Variants in TAMM41 observed in about 807,000 individuals in gnomAD.
TAMM41 encodes the protein phosphatidate cytidylyltransferase, mitochondrial.
Under a neutral mutation model 44.1 loss-of-function variants are expected in TAMM41, and 36 were observed. That is an observed-to-expected ratio of 0.82 (90% CI 0.63 to 1.08). The LOEUF (loss-of-function observed/expected upper bound fraction) is 1.08. Among genes scored for constraint, TAMM41 ranks in the 50% least tolerant of loss-of-function variants. The pLI, the probability that TAMM41 is intolerant of heterozygous loss-of-function variation, is 0.00. For synonymous variants in TAMM41, 164 were observed against 153.1 expected (o/e 1.07, Z -0.53); for missense variants, 417 against 404.3 (o/e 1.03, Z -0.27).
At chr3:11,768,191 T>C in the TAMM41 span, among the ~76,000 whole-genome samples, 1 of 151,612 alleles carries the variant, frequency 6.6e-6, no homozygotes, top group African/African-American at 2.4e-5. Flanking sequence ...GGCTGGAGTG[T>C]AGTGGCGTGA....
At chr3:11,743,958 A>G in the TAMM41 span, among the ~76,000 whole-genome samples, 1 of 152,264 alleles carries the variant, frequency 6.6e-6, no homozygotes, top group Admixed American at 6.5e-5. Context: ...CATCTTTATC[A>G]TTGATGAGAT....
the TAMM41 span, among the ~76,000 whole-genome samples, chr3:11,744,288 G>T: frequency 6.6e-6 from 1 of 151,956 alleles, no homozygotes; most frequent in East Asian, 2.0e-4. Context: ...AGCTGGTCTC[G>T]AACTCCTGAC....
rs773437781 is a variant in TAMM41 at position 11,809,595 on chromosome 3, G to C, written c.796C>G (p.Pro266Ala). The C allele has an allele frequency of 1.2e-6, 2 of 1,613,918 alleles. No homozygotes were observed. Among genetic ancestry groups the C allele is most frequent in the East Asian group, 2.2e-5 (1 of 44,884 alleles). Reference protein sequence around the residue: ...QQQINHIMDPPGKNRDVEETL... With the variant: ...QQQINHIMDPAGKNRDVEETL... ...TCTTCCACATCTCTGTTTTTTCCAG[G>C]AGGGTCCATAATATGATTTATCTGT... The change falls in exon 6 of 8, where the codon CCT (proline) becomes GCT (alanine). Residue 266 changes from proline (P) to alanine (A), a missense_variant. Transcript: ENST00000455809.
At chr3:11,814,570 C>T (rs2124976033) in intron 5 of TAMM41, among the ~76,000 whole-genome samples, 1 of 152,098 alleles carries the variant, frequency 6.6e-6, no homozygotes, top group East Asian at 1.9e-4. Flanking sequence ...TAACAGGAAT[C>T]CCAGGAAGAA....
At chr3:11,812,982 C>T (rs953049785) in intron 5 of TAMM41, among the ~76,000 whole-genome samples, 3 of 152,158 alleles carry the variant, frequency 2.0e-5, no homozygotes, top group Admixed American at 6.5e-5. Flanking sequence ...CTCAGTCCCC[C>T]AGTCTTATTC....
chr3:11,803,159 C>A (rs777959378), intron 7 of TAMM41, among the ~76,000 whole-genome samples: 46 of 152,166 alleles, frequency 3.0e-4, no homozygotes, highest in Non-Finnish European at 5.9e-4. Flanking sequence ...GTAGTCCCAG[C>A]TACTCGGGAG....
the TAMM41 span, among the ~76,000 whole-genome samples, chr3:11,777,237 C>T: frequency 6.6e-5 from 10 of 151,892 alleles, no homozygotes; most frequent in Admixed American, 1.3e-4. Flanking sequence ...AGATTGTATA[C>T]CTTAAATACA....
the TAMM41 span, among the ~76,000 whole-genome samples, chr3:11,747,877 A>ATT: frequency 0.012 from 478 of 38,840 alleles, 4 homozygotes; most frequent in African/African-American, 0.027. Context: ...CTATTTATTT[A>ATT]TTTATTTTTT....
rs11551661 is a variant in TAMM41, at chr3:11,829,741, T to C, written c.535A>G (p.Ile179Val). 0.13 allele frequency: 203,609 copies of C among 1,613,910 alleles called. 14,716 individuals carry two copies. The highest frequency in any genetic ancestry group is 0.15 in the Non-Finnish European group (174,324 of 1,179,786). The change falls in exon 4 of 8, where the codon ATA becomes GTA. Residue 179 changes from isoleucine (I) to valine (V), a missense_variant. Ile to Val is a conservative substitution (Grantham distance 29). Coordinates refer to ENST00000455809, the MANE Select transcript of TAMM41 (RefSeq NM_001284401.2). ...GAATAGGAGAGACCGGCAATCTCTA[T>C]GAAGAGGTCTTCTTCAGAAAAGCTT... ...PESFSEEDLF[I>V]EIAGLSYSGD...
At chr3:11,816,457 A>T (rs1007053030) in intron 5 of TAMM41, among the ~76,000 whole-genome samples, 2 of 152,230 alleles carry the variant, frequency 1.3e-5, no homozygotes, top group Non-Finnish European at 2.9e-5. Flanking sequence ...AGTACACGTG[A>T]AAAGATCTGG....
At chr3:11,824,466 G>T (rs2078660689) in intron 4 of TAMM41, among the ~76,000 whole-genome samples, 1 of 146,316 alleles carries the variant, frequency 6.8e-6, no homozygotes, top group African/African-American at 2.5e-5. Flanking sequence ...GCTAATTTCT[G>T]TATTTTTAGT....
chr3:11,729,023 A>G, the TAMM41 span, among the ~76,000 whole-genome samples: 1 of 151,372 alleles, frequency 6.6e-6, no homozygotes. Flanking sequence ...AAAAAAAAAA[A>G]TACAAAAACT....
At chr3:11,783,545 GT>G in the TAMM41 span, among the ~76,000 whole-genome samples, 5 of 152,200 alleles carry the variant, frequency 3.3e-5, no homozygotes, top group Non-Finnish European at 5.9e-5. Flanking sequence ...CTGAAACAAT[GT>G]TTTAAGGAAT....
intron 7 of TAMM41, among the ~76,000 whole-genome samples, chr3:11,798,983 G>A (rs1266954378): frequency 6.6e-6 from 1 of 152,000 alleles, no homozygotes; most frequent in African/African-American, 2.4e-5. Flanking sequence ...GGGAGGCTGA[G>A]GTGGGAGGAT....
intron 4 of TAMM41, among the ~76,000 whole-genome samples, chr3:11,829,298 CTG>C (rs2078885973): frequency 6.6e-6 from 1 of 152,118 alleles, no homozygotes; most frequent in Non-Finnish European, 1.5e-5. Flanking sequence ...GCCCACGAGT[CTG>C]TGTTTTAACC....
chr3:11,845,723 A>C (rs1036406183), intron 1 of TAMM41, among the ~76,000 whole-genome samples: 18 of 152,318 alleles, frequency 1.2e-4, no homozygotes, highest in Admixed American at 6.5e-4. Context: ...GCAGGATGTT[A>C]ATCAGAAGAC....
downstream of TAMM41, among the ~76,000 whole-genome samples, chr3:11,788,685 CAGCACT>C (rs2077431359): frequency 6.6e-6 from 1 of 152,112 alleles, no homozygotes; most frequent in Non-Finnish European, 1.5e-5. Flanking sequence ...CCTGTAATCC[CAGCACT>C]TTGGGAGGCC....
chr3:11,813,938 ATG>A (rs1277697099), intron 5 of TAMM41, among the ~76,000 whole-genome samples: 3 of 148,998 alleles, frequency 2.0e-5, no homozygotes, highest in Non-Finnish European at 4.5e-5. Flanking sequence ...GTGTGTATAT[ATG>A]TGTATATATA....
At chr3:11,762,651 G>C in the TAMM41 span, among the ~76,000 whole-genome samples, 2 of 152,110 alleles carry the variant, frequency 1.3e-5, no homozygotes, top group African/African-American at 4.8e-5. Context: ...GACATGCAAG[G>C]TAAGTGAACT....
Sources: gnomAD v4.1 joint callset for allele counts (sites outside exome capture counted in the v4.1 genomes callset) on GRCh38, gnomAD v4.1.1 for gene constraint, MANE v1.5 for transcripts, NCBI Gene and HGNC (gene_info 2026-07-23, HGNC 2026-07-21) for gene names.